PREX2: variants seen among roughly 807,000 people sequenced by gnomAD.
PREX2 encodes phosphatidylinositol 3,4,5-trisphosphate-dependent Rac exchanger 2 protein.
PREX2 carries 107 observed loss-of-function variants against 203.2 expected under a neutral mutation model. The observed-to-expected ratio is 0.53, with a 90% CI of 0.45 to 0.62. PREX2 has a LOEUF of 0.62. Among genes scored for constraint, PREX2 ranks in the 20% least tolerant of loss-of-function variants. The pLI is 0.00. For missense variants in PREX2, 1,777 were observed against 1,955.9 expected, an observed-to-expected ratio of 0.91 and a Z score of 1.72; for synonymous variants, 672 against 663.6, an observed-to-expected ratio of 1.01 and a Z score of -0.19.
chr8:68,185,918 C>G (rs1483551981), intron 35 of PREX2, among the ~76,000 whole-genome samples: 1 of 148,582 alleles, frequency 6.7e-6, no homozygotes, highest in Non-Finnish European at 1.5e-5. Context: ...GTCATTCTTA[C>G]TAACCTCAGA....
At chr8:68,183,042 G>A (rs1015451998) in intron 35 of PREX2, among the ~76,000 whole-genome samples, 2 of 151,906 alleles carry the variant, frequency 1.3e-5, no homozygotes, top group Non-Finnish European at 2.9e-5. Context: ...GCACGGTGTT[G>A]AGAGATGGAA....
At chr8:67,998,200 A>G (rs1806824262) in intron 1 of PREX2, among the ~76,000 whole-genome samples, 2 of 152,140 alleles carry the variant, frequency 1.3e-5, no homozygotes, top group Admixed American at 6.6e-5. Context: ...CTGGCTTTCT[A>G]CACTTCAGAA....
chr8:67,960,288 C>T (rs760858607), intron 1 of PREX2, among the ~76,000 whole-genome samples: 4 of 152,102 alleles, frequency 2.6e-5, no homozygotes, highest in Non-Finnish European at 5.9e-5. Flanking sequence ...GAAGTTCCCC[C>T]ACCTCAGCCT....
Position 68,091,140 on chromosome 8 carries a change from A to G in PREX2, c.2250+425A>G, listed in dbSNP as rs143483615. On this transcript the variant is annotated intron_variant, in intron 20 of 39. Transcript: ENST00000288368. ...TGAAAAAGCAAAAATTGTGGGTTTT[A>G]TAAGGTCCATGATTGATTTTGAGGT... is the stretch of plus-strand genomic sequence containing the variant. Among the ~76,000 whole-genome samples the G allele has an allele frequency of 1.2e-3, 190 of 152,314 alleles. 2 individuals carry two copies. In the East Asian group the frequency reaches 0.035, roughly 28 times the overall value.
chr8:68,164,610 T>G (rs1348802882), intron 35 of PREX2, among the ~76,000 whole-genome samples: 1 of 145,150 alleles, frequency 6.9e-6, no homozygotes, highest in Admixed American at 7.3e-5. Context: ...GAGACAGAGT[T>G]TCACTCTTGT....
chr8:68,079,321 T>C (rs1451426217), intron 15 of PREX2, among the ~76,000 whole-genome samples: 1 of 152,252 alleles, frequency 6.6e-6, no homozygotes, highest in Non-Finnish European at 1.5e-5. Flanking sequence ...TCAACAATTA[T>C]TTGTTGGAGC....
At chr8:68,083,143 T>G in intron 17 of PREX2, 97 bp from the exon 18 acceptor site, 1 of 849,416 alleles carries the variant, frequency 1.2e-6, no homozygotes, top group Non-Finnish European at 1.8e-6. Context: ...TGTCAATATC[T>G]ATAAGCTCTG....
In PREX2 at chr8:67,976,729, CAGAG is replaced by C. The variant is rs765912949; in HGVS notation, c.141+24208_141+24211del. Among the ~76,000 whole-genome samples the C allele has an allele frequency of 7.6e-3, 347 of 45,740 alleles. 44 individuals carry two copies. The Admixed American group carries it at 0.081, about 11-fold the overall frequency. 30.0% of individuals were successfully genotyped at this position (45,740 alleles called of 152,430 possible). On this transcript the variant is annotated intron_variant, in intron 1 of 39. Transcript: ENST00000288368. The stretch of plus-strand genomic sequence containing the variant: ...GACGGGAGAGAGACAGAGAGAGAGA[CAGAG>C]AGAGAGAGAGAGATGCGAGAGAGAC...
In PREX2 at chr8:67,972,703, T is replaced by C. The variant is rs796298989; in HGVS notation, c.141+20168T>C. 1.2e-4 allele frequency among the ~76,000 whole-genome samples: 19 copies of C among 152,292 alleles called. 2 individuals carry two copies. The highest frequency in any genetic ancestry group is 6.2e-4 in the South Asian group (3 of 4,822). Reference sequence around the variant, plus strand: ...AAACTCTACAGTTACCCACTTTTTTTCTAACTTTCATTTCTTACCTTTGCA... The same window carrying C: ...AAACTCTACAGTTACCCACTTTTTTCCTAACTTTCATTTCTTACCTTTGCA... On this transcript the variant is annotated intron_variant, in intron 1 of 39. Transcript: ENST00000288368.
intron 30 of PREX2, among the ~76,000 whole-genome samples, chr8:68,121,297 A>C (rs1810768636): frequency 6.6e-6 from 1 of 152,102 alleles, no homozygotes; most frequent in African/African-American, 2.4e-5. Context: ...CAAAGTTATG[A>C]AGACAAATAG....
intron 35 of PREX2, among the ~76,000 whole-genome samples, chr8:68,183,015 A>G (rs1563577668): frequency 6.6e-6 from 1 of 151,906 alleles, no homozygotes; most frequent in Non-Finnish European, 1.5e-5. Flanking sequence ...GGGGAGATCA[A>G]GTAAGGACAT....
chr8:68,012,144 C>A (rs1585704216), intron 1 of PREX2, among the ~76,000 whole-genome samples: 1 of 152,156 alleles, frequency 6.6e-6, no homozygotes, highest in Admixed American at 6.6e-5. Flanking sequence ...ATGATGAATT[C>A]TTTCCCCTGA....
chr8:68,093,390 C>CAAAAAA (rs56001927), intron 20 of PREX2, among the ~76,000 whole-genome samples: 8 of 81,484 alleles, frequency 9.8e-5, no homozygotes, highest in Admixed American at 2.8e-4. Flanking sequence ...AACTCCATCT[C>CAAAAAA]AAAAAAAAAA....
At chr8:68,089,724 T>G (rs564365539) in intron 19 of PREX2, among the ~76,000 whole-genome samples, 2 of 152,246 alleles carry the variant, frequency 1.3e-5, no homozygotes, top group African/African-American at 4.8e-5. Context: ...GTAAATTATT[T>G]TCTTAAAGAT....
chr8:68,127,494 A>C (rs1274930862), intron 31 of PREX2, 75 bp downstream of exon 31: 1 of 976,224 alleles, frequency 1.0e-6, no homozygotes, highest in Admixed American at 1.8e-5. Flanking sequence ...TTGAAATTTG[A>C]GGACAACGCC....
chr8:68,077,340 G>A (rs1809381407), intron 14 of PREX2, 57 bp from the exon 15 acceptor site: 1 of 1,243,026 alleles, frequency 8.0e-7, no homozygotes, highest in Non-Finnish European at 1.2e-6. Flanking sequence ...ATGGAGCAAA[G>A]CTGCCACAAA....
intron 7 of PREX2, among the ~76,000 whole-genome samples, chr8:68,041,128 C>T (rs1434646802): frequency 6.6e-6 from 1 of 152,046 alleles, no homozygotes; most frequent in African/African-American, 2.4e-5. Context: ...TGAAATGGTA[C>T]CAATGGGTTC....
chr8:68,124,862 T>C (rs1176648648), intron 30 of PREX2, among the ~76,000 whole-genome samples: 1 of 152,012 alleles, frequency 6.6e-6, no homozygotes, highest in African/African-American at 2.4e-5. Context: ...GGGAGTCCAA[T>C]GGCTAGTTGA....
At chr8:68,182,214 A>T (rs1812098885) in intron 35 of PREX2, among the ~76,000 whole-genome samples, 3 of 152,178 alleles carry the variant, frequency 2.0e-5, no homozygotes, top group African/African-American at 7.2e-5. Context: ...GTATAATAGC[A>T]TGCAACCATG....
Sources: gnomAD v4.1 joint callset for allele counts (sites outside exome capture counted in the v4.1 genomes callset) on GRCh38, gnomAD v4.1.1 for gene constraint, MANE v1.5 for transcripts, NCBI Gene and HGNC (gene_info 2026-07-23, HGNC 2026-07-21) for gene names.